The following TRMT11 variants were observed in gnomAD, a reference collection of about 807,000 sequenced individuals.
TRMT11 encodes the protein tRNA (guanine(10)-N(2))-methyltransferase TRMT11.
Under a neutral mutation model 62.8 loss-of-function variants are expected in TRMT11, and 53 were observed. The observed-to-expected ratio is 0.84, with a 90% CI of 0.68 to 1.06. The LOEUF (loss-of-function observed/expected upper bound fraction) is 1.06. Among genes scored for constraint, TRMT11 ranks in the 50% least tolerant of loss-of-function variants. The pLI is 0.00. For missense variants in TRMT11, 556 were observed against 553.4 expected (o/e 1.00, Z -0.05); for synonymous variants, 188 against 190.3 (o/e 0.99, Z 0.10).
At chr6:126,195,142 T>A (rs903404105) in intron 1 of TRMT11, among the ~76,000 whole-genome samples, 2 of 152,018 alleles carry the variant, frequency 1.3e-5, no homozygotes, top group Non-Finnish European at 2.9e-5. Context: ...AATTAATTAC[T>A]TTATGATTCA....
intron 21 of TRMT11, among the ~76,000 whole-genome samples, chr6:126,137,321 T>C (rs1777862715): frequency 6.6e-6 from 1 of 151,112 alleles, no homozygotes; most frequent in Admixed American, 6.6e-5. Flanking sequence ...AGAAAAAAAA[T>C]CTGATTTAAA....
chr6:126,009,612 T>C (rs1406037445), intron 8 of TRMT11, among the ~76,000 whole-genome samples: 3 of 152,054 alleles, frequency 2.0e-5, no homozygotes, highest in South Asian at 4.1e-4. Context: ...TAATTTGATA[T>C]CTTGTACTGG....
chr6:126,231,966 G>T, the TRMT11 span, among the ~76,000 whole-genome samples: 1 of 152,042 alleles, frequency 6.6e-6, no homozygotes, highest in East Asian at 1.9e-4. Context: ...AATAGAATTG[G>T]CAATGATATG....
intron 1 of TRMT11, among the ~76,000 whole-genome samples, chr6:126,191,341 A>G (rs1420803925): frequency 6.6e-6 from 1 of 151,896 alleles, no homozygotes; most frequent in African/African-American, 2.4e-5. Flanking sequence ...TATTCTGGTT[A>G]TTAACCCCTT....
intron 21 of TRMT11, among the ~76,000 whole-genome samples, chr6:126,165,528 C>G (rs1005247408): frequency 1.3e-5 from 2 of 152,104 alleles, no homozygotes; most frequent in African/African-American, 2.4e-5. Context: ...TTTTATTTCT[C>G]CTTTGCTTAT....
chr6:126,054,131 G>C (rs1426441193), intron 17 of TRMT11, among the ~76,000 whole-genome samples: 1 of 152,174 alleles, frequency 6.6e-6, no homozygotes, highest in Admixed American at 6.5e-5. Flanking sequence ...TCTCCCCTTT[G>C]GTAATGCCAA....
At chr6:126,080,213 C>G (rs181335531) in intron 17 of TRMT11, among the ~76,000 whole-genome samples, 54 of 152,102 alleles carry the variant, frequency 3.6e-4, no homozygotes, top group Non-Finnish European at 6.0e-4. Flanking sequence ...GTGGTCCTCC[C>G]CACTCAGCCT....
At chr6:126,045,045 G>T (rs868155965) in intron 16 of TRMT11, among the ~76,000 whole-genome samples, 21 of 151,996 alleles carry the variant, frequency 1.4e-4, no homozygotes, top group African/African-American at 4.6e-4. Context: ...AATTACCCAG[G>T]CATGGTATGG....
At chr6:126,247,493 A>C in the TRMT11 span, among the ~76,000 whole-genome samples, 5 of 122,426 alleles carry the variant, frequency 4.1e-5, no homozygotes, top group African/African-American at 1.7e-4. Context: ...ATCTATCTAA[A>C]ATACCTATCT....
At chr6:126,075,655 G>T (rs548816015) in intron 17 of TRMT11, among the ~76,000 whole-genome samples, 8 of 152,134 alleles carry the variant, frequency 5.3e-5, no homozygotes, top group Non-Finnish European at 1.0e-4. Flanking sequence ...GTCTCAGGTA[G>T]ATCTTTATAG....
downstream of TRMT11, among the ~76,000 whole-genome samples, chr6:126,039,714 G>A (rs568820379): frequency 6.6e-5 from 10 of 152,110 alleles, no homozygotes; most frequent in South Asian, 2.1e-3. Flanking sequence ...ATTAATTCAG[G>A]ATGCTAATAG....
chr6:125,999,742 A>G, intron 7 of TRMT11, 129 bp downstream of exon 7: 1 of 707,576 alleles, frequency 1.4e-6, no homozygotes, highest in South Asian at 2.1e-5. Flanking sequence ...TGGCCAACAG[A>G]CAACCACATA....
At chr6:126,137,272 C>T (rs766579596) in intron 21 of TRMT11, among the ~76,000 whole-genome samples, 27 of 151,536 alleles carry the variant, frequency 1.8e-4, no homozygotes, top group Non-Finnish European at 3.4e-4. Context: ...ATGTAAAGAA[C>T]TCAAACAACT....
At chr6:126,145,038 C>T (rs1028302449) in intron 21 of TRMT11, among the ~76,000 whole-genome samples, 1 of 152,090 alleles carries the variant, frequency 6.6e-6, no homozygotes. Flanking sequence ...TTTTATATCT[C>T]TATGGTCCTA....
At chr6:126,058,114 C>A (rs754793024) in intron 17 of TRMT11, among the ~76,000 whole-genome samples, 3 of 152,150 alleles carry the variant, frequency 2.0e-5, no homozygotes, top group African/African-American at 4.8e-5. Flanking sequence ...TAGCCCCCCA[C>A]CTCCCGACAG....
chr6:126,090,961 AG>A (rs1186931084), intron 17 of TRMT11, among the ~76,000 whole-genome samples: 1 of 152,172 alleles, frequency 6.6e-6, no homozygotes, highest in African/African-American at 2.4e-5. Flanking sequence ...CTGTAATCCC[AG>A]CACTTTGGGA....
At chr6:126,258,064 G>A in the TRMT11 span, 1 of 1,190,112 alleles carries the variant, frequency 8.4e-7, no homozygotes, top group South Asian at 1.2e-5. Flanking sequence ...TCCATGTCCA[G>A]GAGTTCATCC....
Position 126,094,969 on chromosome 6 carries a change from A to G in TRMT11, c.*1438-17897A>G, listed in dbSNP as rs539519771. 9.9e-5 allele frequency among the ~76,000 whole-genome samples: 15 copies of G among 152,280 alleles called. 1 individual carries two copies. The highest frequency in any genetic ancestry group is 3.4e-3 in the Middle Eastern group (1 of 294). ...GAATCAGATCTAGATTCTAGTGACT[A>G]CCTTATAGCCTCACTTTCAACTTTC... On this transcript the variant is annotated intron_variant and NMD_transcript_variant, in intron 17 of 22. Coordinates refer to the TRMT11 transcript ENST00000648977.
chr6:126,241,383 C>T, the TRMT11 span, among the ~76,000 whole-genome samples: 1 of 152,202 alleles, frequency 6.6e-6, no homozygotes, highest in Admixed American at 6.5e-5. Context: ...GAGCTGGTAC[C>T]ATTCCTTCTG....
Sources: allele counts gnomAD v4.1 joint callset (sites outside exome capture counted in the v4.1 genomes callset), GRCh38; gene constraint gnomAD v4.1.1; transcripts MANE v1.5; gene names NCBI Gene and HGNC (gene_info 2026-07-23, HGNC 2026-07-21).